Variants in MOK observed in about 807,000 individuals in gnomAD.
The protein encoded by MOK is MOK protein kinase, also known as MAPK/MAK/MRK overlapping kinase.
MOK carries 59 observed loss-of-function variants against 54.2 expected under a neutral mutation model. The observed-to-expected ratio is 1.09, with a 90% CI of 0.88 to 1.35. The LOEUF is 1.35. Among genes scored for constraint, MOK ranks in the 40% most tolerant of loss-of-function variants. MOK has a pLI of 0.00. For missense variants in MOK, 517 were observed against 526.2 expected (o/e 0.98, Z 0.17); for synonymous variants, 210 against 202.7 (o/e 1.04, Z -0.31).
rs1430715849 is a variant in MOK at position 102,235,963 on chromosome 14, GGGCACAAAAGACCCGATA to G, written c.591-2192_591-2175del. 6.6e-6 allele frequency among the ~76,000 whole-genome samples: 1 copy of G among 152,166 alleles called. No homozygotes were observed. The highest frequency in any genetic ancestry group is 2.4e-5 in the African/African-American group (1 of 41,432). The stretch of plus-strand genomic sequence containing the variant: ...CCATCAACCCAGCCGTATCACCCAA[GGGCACAAAAGACCCGATA>G]GCAGCAACCCTCCGGGCCTTGTTTT... On this transcript the variant is annotated intron_variant, in intron 7 of 11. Coordinates refer to ENST00000361847, the MANE Select transcript of MOK (RefSeq NM_014226.3). The surrounding 1 kb of genome is among the most constrained non-coding windows in gnomAD (Gnocchi z 4.4).
At chr14:102,301,031 G>A (rs1196920590) in intron 1 of MOK, among the ~76,000 whole-genome samples, 1 of 152,144 alleles carries the variant, frequency 6.6e-6, no homozygotes, top group Non-Finnish European at 1.5e-5. Context: ...GGAGGCAGAG[G>A]TTGCAGTGAG....
chr14:102,261,853 AT>A (rs1567188847), intron 4 of MOK, among the ~76,000 whole-genome samples: 2 of 135,762 alleles, frequency 1.5e-5, no homozygotes, highest in African/African-American at 5.6e-5. Context: ...ATTTTTTATT[AT>A]TTTTTTTGAG....
At chr14:102,279,380 A>C (rs1037018277) in intron 2 of MOK, among the ~76,000 whole-genome samples, 6 of 152,054 alleles carry the variant, frequency 3.9e-5, no homozygotes, top group Admixed American at 6.6e-5. Flanking sequence ...CTGCAACCTC[A>C]ACCGCAACCT....
rs1045808804 is a variant in MOK at position 102,249,603 on chromosome 14, G to T, written c.590+1209C>A. On this transcript the variant is annotated intron_variant, in intron 7 of 11. Transcript: ENST00000361847. This position sits in a 1 kb window ranked among gnomAD's most constrained non-coding sequence, Gnocchi z 5.3. The stretch of plus-strand genomic sequence containing the variant: ...GCATGCCTGTAATCCCAGCTACTTG[G>T]GGGGCTGAGGCAGGAGAATCGCTAG... Among the ~76,000 whole-genome samples the T allele has an allele frequency of 9.8e-5, 15 of 152,298 alleles. No individual in the cohort carries two copies. Among genetic ancestry groups the T allele is most frequent in the African/African-American group, 3.6e-4 (15 of 41,568 alleles).
At chr14:102,224,110 C>G (rs1306167018), downstream of MOK, among the ~76,000 whole-genome samples, 1 of 147,174 alleles carries the variant, frequency 6.8e-6, no homozygotes, top group Non-Finnish European at 1.5e-5. Flanking sequence ...GGCGCAATCT[C>G]GGCTCACTGC....
downstream of MOK, among the ~76,000 whole-genome samples, chr14:102,227,957 T>G (rs183774738): frequency 1.3e-5 from 2 of 152,182 alleles, no homozygotes; most frequent in African/African-American, 4.8e-5. Flanking sequence ...AAATATCTCT[T>G]TAAGTTTGGG....
downstream of MOK, among the ~76,000 whole-genome samples, chr14:102,223,901 A>G (rs547794500): frequency 6.6e-6 from 1 of 152,300 alleles, no homozygotes; most frequent in South Asian, 2.1e-4. Flanking sequence ...ACGTCTGCAC[A>G]GGGCTTCAGG....
intron 7 of MOK, 86 bp downstream of exon 7, chr14:102,250,726 C>T: frequency 7.9e-7 from 1 of 1,270,864 alleles, no homozygotes; most frequent in Non-Finnish European, 1.1e-6. Context: ...ATGACCATGA[C>T]ATCTGGATTG....
In MOK at chr14:102,231,980, T is replaced by C; in HGVS notation, c.867-159A>G. On this transcript the variant is annotated intron_variant, in intron 9 of 11. Coordinates refer to ENST00000361847, the MANE Select transcript of MOK (RefSeq NM_014226.3). This position sits in a 1 kb window ranked among gnomAD's most constrained non-coding sequence, Gnocchi z 4.4. ...CAGGAGCCTTTTTTTTTCTTTTCTG[T>C]CTCAGCCTGACAGTCTCTGGGCCAG... 1.8e-6 allele frequency: 1 copy of C among 568,416 alleles called. No homozygotes were observed. 35.2% of individuals were successfully genotyped at this position (568,416 alleles called of 1,614,324 possible).
chr14:102,214,804 A>G, the MOK span: 9 of 979,988 alleles, frequency 9.2e-6, no homozygotes, highest in Middle Eastern at 5.2e-4. Context: ...TACTGTTGCA[A>G]TAATTAATGA....
intron 7 of MOK, among the ~76,000 whole-genome samples, chr14:102,234,411 C>T (rs2065028959): frequency 6.6e-6 from 1 of 152,112 alleles, no homozygotes; most frequent in Admixed American, 6.5e-5. Flanking sequence ...TGTTGCCATT[C>T]CCTGAACTCT....
chr14:102,275,660 C>A (rs1368979385), intron 2 of MOK, among the ~76,000 whole-genome samples: 1 of 151,308 alleles, frequency 6.6e-6, no homozygotes, highest in Admixed American at 6.6e-5. Context: ...ACATTCACAA[C>A]CTAGAAGTAG....
In MOK at chr14:102,233,680, A is replaced by AT; in HGVS notation, c.692+7dup. 6.2e-7 allele frequency: 1 copy of AT among 1,608,852 alleles called. No homozygotes were observed. The highest frequency in any genetic ancestry group is 2.2e-5 in the East Asian group (1 of 44,848). On this transcript the variant is annotated splice_region_variant and intron_variant, in intron 8 of 11. Coordinates refer to ENST00000361847, the MANE Select transcript of MOK (RefSeq NM_014226.3). The stretch of plus-strand genomic sequence containing the variant: ...GGTCCACATCCACTCTCAGAACACA[A>AT]TACTTACTGTTTGAACTTGGTGAGG...
intron 1 of MOK, among the ~76,000 whole-genome samples, chr14:102,288,393 G>A (rs1357015653): frequency 6.6e-6 from 1 of 152,200 alleles, no homozygotes. Context: ...CAGCATGGAT[G>A]AGCCTTGAGG....
chr14:102,233,460 T>A, intron 8 of MOK: 1 of 515,664 alleles, frequency 1.9e-6, no homozygotes, highest in Non-Finnish European at 3.5e-6. Flanking sequence ...AGAAAGCCTG[T>A]GACAAATCTT....
intron 4 of MOK, among the ~76,000 whole-genome samples, chr14:102,255,416 C>T (rs1041639890): frequency 1.3e-5 from 2 of 152,184 alleles, no homozygotes; most frequent in Non-Finnish European, 2.9e-5. Context: ...GGAATCTGTG[C>T]TTCTCAGATG....
intron 2 of MOK, among the ~76,000 whole-genome samples, chr14:102,275,120 A>G (rs2068734025): frequency 6.6e-6 from 1 of 152,240 alleles, no homozygotes; most frequent in Non-Finnish European, 1.5e-5. Flanking sequence ...AAACAGACCT[A>G]TACTTTTACA....
At chr14:102,271,055 G>A (rs938485426) in intron 2 of MOK, among the ~76,000 whole-genome samples, 1 of 152,134 alleles carries the variant, frequency 6.6e-6, no homozygotes, top group African/African-American at 2.4e-5. Flanking sequence ...AATGGTGGCA[G>A]GTGCCTGCAA....
At chr14:102,271,024 T>C (rs1430554997) in intron 2 of MOK, among the ~76,000 whole-genome samples, 2 of 152,112 alleles carry the variant, frequency 1.3e-5, no homozygotes, top group Non-Finnish European at 2.9e-5. Flanking sequence ...AAACCCCATC[T>C]CTACTAAAAA....
Sources: allele counts gnomAD v4.1 joint callset (sites outside exome capture counted in the v4.1 genomes callset), GRCh38; gene constraint gnomAD v4.1.1; non-coding constraint Gnocchi (gnomAD v3.1); transcripts MANE v1.5; gene names NCBI Gene and HGNC (gene_info 2026-07-23, HGNC 2026-07-21).